Variants in DOK6 observed in about 807,000 individuals in gnomAD.
The protein encoded by DOK6 is docking protein 6, also known as downstream of tyrosine kinase 6.
A neutral mutation model predicts 44.0 loss-of-function variants in DOK6; 22 were observed. The observed-to-expected ratio is 0.50, with a 90% confidence interval of 0.36 to 0.71. DOK6 has a LOEUF of 0.71. Among genes scored for constraint, DOK6 ranks in the 30% least tolerant of loss-of-function variants. The pLI is 0.00. For synonymous variants in DOK6, 166 were observed against 145.5 expected (o/e 1.14, Z -1.01); for missense variants, 340 against 416.4 (o/e 0.82, Z 1.60).
intron 1 of DOK6, among the ~76,000 whole-genome samples, chr18:69,448,757 G>A (rs1469638202): frequency 6.6e-6 from 1 of 152,160 alleles, no homozygotes; most frequent in Non-Finnish European, 1.5e-5. Context: ...ATAATCAGAA[G>A]TATTGTTATA....
rs560088438 is a variant in DOK6 at position 69,446,484 on chromosome 18, C to T, written c.66+45174C>T. Among the ~76,000 whole-genome samples, 3 of 152,086 alleles carry T rather than the reference C, an allele frequency of 2.0e-5. No individual in the cohort carries two copies. In the South Asian group the frequency reaches 6.2e-4, roughly 32 times the overall value. On this transcript the variant is annotated intron_variant, in intron 1 of 7. Transcript: ENST00000382713. ...TTGGACATTTGGGTTGGTTCCAAGT[C>T]TTTGCTATTGTGAGTAGTGCCACAA...
intron 3 of DOK6, among the ~76,000 whole-genome samples, chr18:69,601,312 G>C (rs1343134791): frequency 6.6e-6 from 1 of 152,144 alleles, no homozygotes; most frequent in Non-Finnish European, 1.5e-5. Context: ...AATAGAAAAG[G>C]TGTATTATTT....
At chr18:69,461,012 G>A (rs978677862) in intron 1 of DOK6, among the ~76,000 whole-genome samples, 3 of 152,092 alleles carry the variant, frequency 2.0e-5, no homozygotes, top group Non-Finnish European at 4.4e-5. Flanking sequence ...TACATTTCCC[G>A]AAGTGCCTTT....
In DOK6 at chr18:69,530,470, CT is replaced by C; in HGVS notation, c.67-34014del. Among the ~76,000 whole-genome samples the C allele has an allele frequency of 1.3e-5, 2 of 152,104 alleles. 1 individual carries two copies. Among genetic ancestry groups the C allele is most frequent in the South Asian group, 4.1e-4 (2 of 4,826 alleles). ...CAGCAGGGCCTGGATAGCAGATATG[CT>C]TTCAGTGATTCACCAAAGGTTGGAG... On this transcript the variant is annotated intron_variant, in intron 1 of 7. Transcript: ENST00000382713.
intron 1 of DOK6, among the ~76,000 whole-genome samples, chr18:69,556,355 C>T (rs1219474606): frequency 6.6e-6 from 1 of 152,168 alleles, no homozygotes; most frequent in African/African-American, 2.4e-5. Context: ...ATCACTCATT[C>T]TTTCATGTTC....
chr18:69,591,395 G>A (rs1425504627), intron 2 of DOK6, among the ~76,000 whole-genome samples: 5 of 152,056 alleles, frequency 3.3e-5, no homozygotes, highest in African/African-American at 9.7e-5. Flanking sequence ...GACAACCGTG[G>A]TCATTCAGAC....
intron 5 of DOK6, among the ~76,000 whole-genome samples, chr18:69,734,878 A>G (rs1978550687): frequency 6.6e-6 from 1 of 152,224 alleles, no homozygotes; most frequent in African/African-American, 2.4e-5. Context: ...GGGAAGAAAG[A>G]GTGGCATTTC....
chr18:69,664,763 G>A (rs916040198), intron 3 of DOK6, among the ~76,000 whole-genome samples: 1 of 152,200 alleles, frequency 6.6e-6, no homozygotes, highest in East Asian at 1.9e-4. Flanking sequence ...TGCATCCAAA[G>A]AGGAGAAAAT....
chr18:69,444,770 G>A (rs1057099084), intron 1 of DOK6, among the ~76,000 whole-genome samples: 1 of 151,132 alleles, frequency 6.6e-6, no homozygotes, highest in Admixed American at 6.6e-5. Flanking sequence ...CAGCTCCCAA[G>A]TAGCTCTTGA....
At chr18:69,809,498 T>G (rs1477990815) in intron 7 of DOK6, among the ~76,000 whole-genome samples, 1 of 150,776 alleles carries the variant, frequency 6.6e-6, no homozygotes, top group Non-Finnish European at 1.5e-5. Context: ...AAGGAAGAAG[T>G]TAAATTGTCC....
chr18:69,563,807 A>T (rs1055823121), intron 1 of DOK6, among the ~76,000 whole-genome samples: 17 of 152,138 alleles, frequency 1.1e-4, no homozygotes, highest in African/African-American at 3.9e-4. Flanking sequence ...ATAATAAAAA[A>T]AAAAAGATTC....
At chr18:69,485,903 GTGTA>G (rs1241812145) in intron 1 of DOK6, among the ~76,000 whole-genome samples, 2 of 151,402 alleles carry the variant, frequency 1.3e-5, no homozygotes, top group Admixed American at 6.6e-5. Flanking sequence ...GTGTGTGTGT[GTGTA>G]TATGTATATC....
At chr18:69,636,173 G>A (rs1456648012) in intron 3 of DOK6, among the ~76,000 whole-genome samples, 2 of 152,138 alleles carry the variant, frequency 1.3e-5, no homozygotes, top group African/African-American at 4.8e-5. Context: ...GCACTAGTGG[G>A]GACTGATTAT....
intron 5 of DOK6, chr18:69,721,312 C>T (rs1392791627): frequency 6.6e-6 from 1 of 152,210 alleles, no homozygotes; most frequent in African/African-American, 2.4e-5. Flanking sequence ...CCTAAGCTAA[C>T]TATTTACCTG....
chr18:69,476,204 G>A (rs535998147), intron 1 of DOK6, among the ~76,000 whole-genome samples: 106 of 152,218 alleles, frequency 7.0e-4, no homozygotes, highest in Non-Finnish European at 1.3e-3. Context: ...TTAAATGCAC[G>A]TCTTCACAGG....
chr18:69,755,585 C>A (rs926703131), intron 6 of DOK6, among the ~76,000 whole-genome samples: 4 of 152,162 alleles, frequency 2.6e-5, no homozygotes, highest in Non-Finnish European at 5.9e-5. Flanking sequence ...AGACGAAAGT[C>A]CTATCTTTTC....
intron 1 of DOK6, among the ~76,000 whole-genome samples, chr18:69,538,384 CT>C (rs202223154): frequency 9.9e-5 from 15 of 150,886 alleles, no homozygotes; most frequent in East Asian, 5.8e-4. Flanking sequence ...TCCATTTCTC[CT>C]TTTTTTTTCC....
chr18:69,622,797 A>G (rs1474975485), intron 3 of DOK6, among the ~76,000 whole-genome samples: 2 of 152,218 alleles, frequency 1.3e-5, no homozygotes. Flanking sequence ...AAACTTTAAA[A>G]CAATTATTGA....
intron 1 of DOK6, among the ~76,000 whole-genome samples, chr18:69,465,192 C>A (rs1979889988): frequency 6.6e-6 from 1 of 151,912 alleles, no homozygotes; most frequent in African/African-American, 2.4e-5. Context: ...CTTTAGTTTT[C>A]TTAGAATATA....
Sources: gnomAD v4.1 joint callset for allele counts (sites outside exome capture counted in the v4.1 genomes callset) on GRCh38, gnomAD v4.1.1 for gene constraint, MANE v1.5 for transcripts, NCBI Gene and HGNC (gene_info 2026-07-23, HGNC 2026-07-21) for gene names.